OSBPL5: variants seen among roughly 807,000 people sequenced by gnomAD.
The protein encoded by OSBPL5 is oxysterol binding protein like 5, also known as oxysterol-binding protein-related protein 5.
A neutral mutation model predicts 111.2 loss-of-function variants in OSBPL5; 71 were observed. The ratio of observed to expected loss-of-function variants is 0.64; its 90% CI spans 0.53 to 0.78. The LOEUF (loss-of-function observed/expected upper bound fraction) is 0.78, where lower values mean the gene tolerates loss of function less well. OSBPL5 is among the 30% of genes least tolerant of loss of function. The pLI is 0.00. For missense variants in OSBPL5, 1,210 were observed against 1,189.3 expected, an observed-to-expected ratio of 1.02 and a Z score of -0.26; for synonymous variants, 549 against 513.9, an observed-to-expected ratio of 1.07 and a Z score of -0.93.
chr11:3,139,096 C>T (rs1846033984), intron 1 of OSBPL5, among the ~76,000 whole-genome samples: 1 of 152,156 alleles, frequency 6.6e-6, no homozygotes, highest in African/African-American at 2.4e-5. Context: ...CCACACTCTC[C>T]CCCAAAACCC....
chr11:3,152,276 A>C (rs575608972), intron 1 of OSBPL5, among the ~76,000 whole-genome samples: 1 of 152,348 alleles, frequency 6.6e-6, no homozygotes, highest in East Asian at 1.9e-4. Flanking sequence ...AGTTTATCAC[A>C]GGTGACGTTG....
chr11:3,092,416 C>A lies in OSBPL5; in HGVS notation c.2259+16G>T, dbSNP rs1857092531. ...CAGCTAAGACCAGCCCTGGGTGGGG[C>A]CTGTGGGGTGCTGACCTCGTGCCTG... On this transcript the variant is annotated intron_variant, in intron 19 of 21. Coordinates refer to ENST00000263650, the MANE Select transcript of OSBPL5 (RefSeq NM_020896.4). This position sits in a 1 kb window ranked among gnomAD's most constrained non-coding sequence, Gnocchi z 5.4. 1.9e-6 allele frequency: 3 copies of A among 1,568,000 alleles called. No individual in the cohort carries two copies. Among genetic ancestry groups the A allele is most frequent in the Admixed American group, 1.8e-5 (1 of 55,606 alleles).
At chr11:3,090,990 C>A (rs1204676613) in intron 19 of OSBPL5, among the ~76,000 whole-genome samples, 1 of 152,210 alleles carries the variant, frequency 6.6e-6, no homozygotes, top group South Asian at 2.1e-4. Flanking sequence ...CTCACCATGG[C>A]GTTGCATCCA....
At chr11:3,102,082 G>T in intron 12 of OSBPL5, 101 bp downstream of exon 12, 1 of 1,245,138 alleles carries the variant, frequency 8.0e-7, no homozygotes. Flanking sequence ...GCCGGCCCTC[G>T]GGGTCACGCT....
intron 14 of OSBPL5, among the ~76,000 whole-genome samples, chr11:3,095,371 T>C (rs966595581): frequency 5.3e-5 from 8 of 151,280 alleles, no homozygotes; most frequent in Non-Finnish European, 8.8e-5. Context: ...GACCTCCAGA[T>C]TGTGATCACT....
intron 1 of OSBPL5, among the ~76,000 whole-genome samples, chr11:3,139,363 G>A (rs1210685359): frequency 2.6e-5 from 4 of 152,218 alleles, no homozygotes; most frequent in Non-Finnish European, 5.9e-5. Context: ...GGTGCTGGCT[G>A]TGCTGTTGCC....
rs150193219 is a variant in OSBPL5 at position 3,145,972 on chromosome 11, C to T, written c.-21-16803G>A. 5.4e-3 allele frequency among the ~76,000 whole-genome samples: 825 copies of T among 152,286 alleles called. 4 individuals are homozygous for T. The highest frequency in any genetic ancestry group is 0.034 in the Middle Eastern group (10 of 294). On this transcript the variant is annotated intron_variant, in intron 1 of 21. Transcript: ENST00000263650. ...CGGGGTCACAATCGGCAAATGTGCT[C>T]TGAACACCACCCTCAGCTGCCGTTC...
chr11:3,115,048 C>T (rs1858163023), intron 7 of OSBPL5, among the ~76,000 whole-genome samples: 1 of 152,034 alleles, frequency 6.6e-6, no homozygotes, highest in South Asian at 2.1e-4. Context: ...TAACACTTCC[C>T]TTCAACTCAT....
chr11:3,089,590 G>T (rs556172912), intron 21 of OSBPL5, among the ~76,000 whole-genome samples: 3 of 152,266 alleles, frequency 2.0e-5, no homozygotes, highest in Non-Finnish European at 4.4e-5. Flanking sequence ...TAGGCTTCAG[G>T]ACATCTCCAG....
chr11:3,137,727 T>C (rs779270122), intron 1 of OSBPL5, among the ~76,000 whole-genome samples: 1 of 152,190 alleles, frequency 6.6e-6, no homozygotes, highest in Non-Finnish European at 1.5e-5. Flanking sequence ...GAGGATTGCT[T>C]GAGCCTGGGA....
rs1195645401 is a variant in OSBPL5 at position 3,093,640 on chromosome 11, C to T, written c.1833G>A (p.Glu611=). 2 of 1,613,220 alleles carry T rather than the reference C, an allele frequency of 1.2e-6. No individual in the cohort carries two copies. The highest frequency in any genetic ancestry group is 1.7e-5 in the Admixed American group (1 of 60,036). The change falls in exon 17 of 22, where the codon GAG becomes GAA. Residue 611 remains glutamate, a synonymous_variant. Transcript: ENST00000263650. The part of the protein sequence containing the change: ...GHWDRDVFIK[E]EGSGSSALFW... The stretch of plus-strand genomic sequence containing the variant: ...AAAGCGCACTGCTTCCGCTCCCTTC[C>T]TCCTTGATAAACACGTCCCTGTCCT...
chr11:3,090,638 T>C lies in OSBPL5; in HGVS notation c.2318A>G (p.Gln773Arg), dbSNP rs746909522. The C allele has an allele frequency of 6.2e-7, 1 of 1,612,856 alleles. No homozygotes were observed. Among genetic ancestry groups the C allele is most frequent in the Non-Finnish European group, 8.5e-7 (1 of 1,179,936 alleles). The change falls in exon 20 of 22, where the codon CAG becomes CGG. Residue 773 changes from glutamine to arginine, a missense_variant. Gln to Arg is a conservative substitution (Grantham distance 43). Transcript: ENST00000263650. Reference protein sequence around the residue: ...KASDQPSGHSQATESSGSTPE... With the variant: ...KASDQPSGHSRATESSGSTPE... The stretch of plus-strand genomic sequence containing the variant: ...CGTGGATCCGCTGCTCTCCGTGGCC[T>C]GGCTGTGGCCGGAGGGCTGGTCGCT...
rs1428107057 is a variant in OSBPL5, at chr11:3,104,938, G to C, written c.1060-561C>G. Among the ~76,000 whole-genome samples, 1 of 152,310 alleles carries C rather than the reference G, an allele frequency of 6.6e-6. No homozygotes were observed. Among genetic ancestry groups the C allele is most frequent in the Middle Eastern group, 3.4e-3 (1 of 294 alleles). On this transcript the variant is annotated intron_variant, in intron 9 of 21. Coordinates refer to ENST00000263650, the MANE Select transcript of OSBPL5 (RefSeq NM_020896.4). The surrounding 1 kb of genome is among the most constrained non-coding windows in gnomAD (Gnocchi z 5.0). ...GAGGTGAGCCTGCTCCTGCAAAACC[G>C]ACACGGGCATGTGAACTCACCCCTC... is the stretch of plus-strand genomic sequence containing the variant.
chr11:3,089,995 G>T, intron 20 of OSBPL5, 47 bp from the exon 21 acceptor site: 1 of 1,430,688 alleles, frequency 7.0e-7, no homozygotes, highest in South Asian at 1.4e-5. Context: ...GAGGAGTGAG[G>T]ATGAGCTGGA....
At position 3,165,037 on chromosome 11, in the gene OSBPL5, GT is replaced by G. The variant is rs1026118170; in HGVS notation, c.-22+178del. 2.0e-5 allele frequency among the ~76,000 whole-genome samples: 3 copies of G among 150,670 alleles called. No individual in the cohort carries two copies. The highest frequency in any genetic ancestry group is 4.9e-5 in the African/African-American group (2 of 41,134). On this transcript the variant is annotated intron_variant, in intron 1 of 21. Transcript: ENST00000263650. This position sits in a 1 kb window ranked among gnomAD's most constrained non-coding sequence, Gnocchi z 7.4. ...AGCGCGCGACCGGCCCCGCGGCGTG[GT>G]TCCCCGCACTGGCTACTGCCAGGGT...
In OSBPL5 at chr11:3,116,182, T is replaced by C. The variant is rs1004791622; in HGVS notation, c.691+3365A>G. ...TATATTTGTACAAATATGTTACTGGTATGTGTTCCAAAATTATAGGAAACT... is the reference window on the plus strand; with the variant it reads ...TATATTTGTACAAATATGTTACTGGCATGTGTTCCAAAATTATAGGAAACT... On this transcript the variant is annotated intron_variant, in intron 7 of 21. Transcript: ENST00000263650. Among the ~76,000 whole-genome samples the C allele has an allele frequency of 2.0e-5, 3 of 152,168 alleles. No individual in the cohort carries two copies. The East Asian group carries it at 5.8e-4, about 29-fold the overall frequency.
rs1043795419 is a variant in OSBPL5, at chr11:3,093,808, T to C, written c.1747A>G (p.Asn583Asp). The C allele has an allele frequency of 6.2e-7, 1 of 1,612,870 alleles. No homozygotes were observed. ...GACGTGATCTTTCCCGAGATCTGGT[T>C]GATGCTGGTGCTACCCCCGAAGAAG... Reference protein sequence around the residue: ...KPFFGGSTSINQISGKITSGE... With the variant: ...KPFFGGSTSIDQISGKITSGE... The change falls in exon 16 of 22, where the codon AAC becomes GAC. Residue 583 changes from asparagine to aspartate, a missense_variant. Asn to Asp is a conservative substitution (Grantham distance 23). Transcript: ENST00000263650.
At chr11:3,103,353 TCCGGGGG>T in intron 10 of OSBPL5, 33 bp from the exon 11 acceptor site, 1 of 1,568,814 alleles carries the variant, frequency 6.4e-7, no homozygotes, top group Non-Finnish European at 8.7e-7. Flanking sequence ...TGACCCCAGC[TCCGGGGG>T]CCGTGGGCCA....
Position 3,104,168 on chromosome 11 carries a change from G to C in OSBPL5, c.1244+25C>G. The C allele has an allele frequency of 6.3e-7, 1 of 1,586,822 alleles. No homozygotes were observed. Among genetic ancestry groups the C allele is most frequent in the Non-Finnish European group, 8.6e-7 (1 of 1,161,404 alleles). On this transcript the variant is annotated intron_variant, in intron 10 of 21. Coordinates refer to ENST00000263650, the MANE Select transcript of OSBPL5 (RefSeq NM_020896.4). The surrounding 1 kb of genome is among the most constrained non-coding windows in gnomAD (Gnocchi z 5.0). ...ATGCAGATGCAGGACGAGGTGTGGG[G>C]TGCCCCTCCCGGCATGGCGCGCACC... is the stretch of plus-strand genomic sequence containing the variant.
Sources: allele counts gnomAD v4.1 joint callset (sites outside exome capture counted in the v4.1 genomes callset), GRCh38; gene constraint gnomAD v4.1.1; non-coding constraint Gnocchi (gnomAD v3.1); transcripts MANE v1.5; gene names NCBI Gene and HGNC (gene_info 2026-07-23, HGNC 2026-07-21).